Variants in VPS13A observed in about 807,000 individuals in gnomAD.
VPS13A encodes vacuolar protein sorting 13 homolog A, also known as intermembrane lipid transfer protein VPS13A.
Under a neutral mutation model 390.9 loss-of-function variants are expected in VPS13A, and 264 were observed. The ratio of observed to expected loss-of-function variants is 0.68; its 90% CI spans 0.61 to 0.75. The LOEUF (loss-of-function observed/expected upper bound fraction) is 0.75. Among genes scored for constraint, VPS13A ranks in the 30% least tolerant of loss-of-function variants. The probability of loss-of-function intolerance (pLI) is 0.00; values close to 1 mark genes in which losing one functional copy is unlikely to be tolerated. For synonymous variants in VPS13A, 1,231 were observed against 1,227.1 expected, an observed-to-expected ratio of 1.00 and a Z score of -0.07; for missense variants, 3,409 against 3,733.9, an observed-to-expected ratio of 0.91 and a Z score of 2.27.
chr9:77,294,729 G>T (rs560358798), intron 32 of VPS13A, among the ~76,000 whole-genome samples: 159 of 151,990 alleles, frequency 1.0e-3, no homozygotes, highest in African/African-American at 3.6e-3. Context: ...ATTAGAGTTG[G>T]GTTCTTGCTC....
In VPS13A at chr9:77,265,701, G is replaced by A. The variant is rs192624374; in HGVS notation, c.2427+5477G>A. Among the ~76,000 whole-genome samples the A allele has an allele frequency of 9.2e-5, 14 of 152,036 alleles. 1 individual carries two copies. Among genetic ancestry groups the A allele is most frequent in the Admixed American group, 2.0e-4 (3 of 15,258 alleles). ...ATTCTTCTCTTTTCTTTATTAGTCT[G>A]GCTAGCAGTCTATGTATTTTGTTAA... On this transcript the variant is annotated intron_variant, in intron 23 of 71. Coordinates refer to ENST00000360280, the MANE Select transcript of VPS13A (RefSeq NM_033305.3).
chr9:77,301,662 A>G (rs1457543853), intron 33 of VPS13A, among the ~76,000 whole-genome samples: 2 of 152,172 alleles, frequency 1.3e-5, no homozygotes, highest in East Asian at 1.9e-4. Flanking sequence ...TTGAGGTACA[A>G]TGGGAGGCTT....
chr9:77,355,972 CAG>C (rs988412724), intron 54 of VPS13A, among the ~76,000 whole-genome samples: 1 of 152,170 alleles, frequency 6.6e-6, no homozygotes, highest in African/African-American at 2.4e-5. Flanking sequence ...CACTTCAACA[CAG>C]AGTGTATTCT....
chr9:77,316,152 A>T, intron 38 of VPS13A, 22 bp from the exon 39 acceptor site: 1 of 1,405,486 alleles, frequency 7.1e-7, no homozygotes, highest in Non-Finnish European at 9.9e-7. Flanking sequence ...CAAATATTTT[A>T]ATCTATTTTT....
chr9:77,419,942 AC>A lies in VPS13A; in HGVS notation c.*3937del, dbSNP rs1300982037. ...GCTATGCAAATATCAATGACTTTTTACTAAAAACAGTGGATTTCCTCATTTC... is the reference window on the plus strand; with the variant it reads ...GCTATGCAAATATCAATGACTTTTTATAAAAACAGTGGATTTCCTCATTTC... On this transcript the variant is annotated 3_prime_UTR_variant, in exon 72 of 72. Transcript: ENST00000360280. 2.6e-5 allele frequency: 4 copies of A among 152,018 alleles called. No individual in the cohort carries two copies. The highest frequency in any genetic ancestry group is 4.4e-5 in the Non-Finnish European group (3 of 68,030). The allele number at this position is 152,018 out of a possible 1,614,324, so 9.4% of individuals were successfully genotyped here.
chr9:77,367,253 A>G (rs1196180425), intron 61 of VPS13A, among the ~76,000 whole-genome samples: 1 of 152,202 alleles, frequency 6.6e-6, no homozygotes, highest in Non-Finnish European at 1.5e-5. Flanking sequence ...AATGAATGCG[A>G]TAATAGGGGA....
intron 67 of VPS13A, among the ~76,000 whole-genome samples, chr9:77,373,880 T>C (rs771811119): frequency 3.3e-4 from 50 of 152,294 alleles, no homozygotes; most frequent in Admixed American, 6.5e-4. Context: ...AAAAACTCAT[T>C]TTGATATTTT....
intron 19 of VPS13A, among the ~76,000 whole-genome samples, chr9:77,245,110 G>GT (rs1824731983): frequency 6.6e-6 from 1 of 152,146 alleles, no homozygotes; most frequent in Non-Finnish European, 1.5e-5. Flanking sequence ...GGATTTTGTT[G>GT]TAAGTGCAAT....
chr9:77,383,085 G>A, intron 68 of VPS13A: 1 of 937,410 alleles, frequency 1.1e-6, no homozygotes. Flanking sequence ...TTCCTTTATG[G>A]CTTTAATATT....
chr9:77,412,059 C>G (rs1299015607), intron 71 of VPS13A, among the ~76,000 whole-genome samples: 1 of 152,154 alleles, frequency 6.6e-6, no homozygotes, highest in Non-Finnish European at 1.5e-5. Context: ...AGTTGAGTCT[C>G]TGAAGAGACC....
At chr9:77,267,423 C>G (rs1306077771) in intron 23 of VPS13A, among the ~76,000 whole-genome samples, 4 of 152,198 alleles carry the variant, frequency 2.6e-5, no homozygotes, top group Non-Finnish European at 5.9e-5. Flanking sequence ...AGTCAGACCC[C>G]TTTGCTGCAG....
At chr9:77,415,528 A>G (rs1835136693) in intron 71 of VPS13A, among the ~76,000 whole-genome samples, 1 of 152,198 alleles carries the variant, frequency 6.6e-6, no homozygotes, top group Non-Finnish European at 1.5e-5. Context: ...AATAGAAAAT[A>G]TATTGTGAGA....
At chr9:77,283,795 T>C in intron 31 of VPS13A, 145 bp downstream of exon 31, 1 of 633,508 alleles carries the variant, frequency 1.6e-6, no homozygotes, top group Admixed American at 2.9e-5. Context: ...CATAATTGGG[T>C]TCTTAGCTCT....
intron 52 of VPS13A, among the ~76,000 whole-genome samples, chr9:77,350,259 A>G (rs1224063113): frequency 1.3e-5 from 2 of 152,210 alleles, no homozygotes; most frequent in African/African-American, 2.4e-5. Flanking sequence ...ACAGATTAAT[A>G]TAAAATGGTT....
chr9:77,396,066 T>C (rs1338357423), intron 68 of VPS13A, among the ~76,000 whole-genome samples: 1 of 151,838 alleles, frequency 6.6e-6, no homozygotes, highest in Non-Finnish European at 1.5e-5. Flanking sequence ...TGAACTTTAG[T>C]GAGACTTTTG....
intron 70 of VPS13A, among the ~76,000 whole-genome samples, chr9:77,406,942 C>G (rs1279023679): frequency 6.6e-6 from 1 of 152,096 alleles, no homozygotes; most frequent in African/African-American, 2.4e-5. Context: ...AGTCCCACTC[C>G]CCACTACCAA....
chr9:77,263,920 G>C (rs905584506), intron 23 of VPS13A, among the ~76,000 whole-genome samples: 1 of 152,144 alleles, frequency 6.6e-6, no homozygotes, highest in Non-Finnish European at 1.5e-5. Flanking sequence ...ATTAATTTTT[G>C]CATAAGGTCT....
At chr9:77,207,682 A>G (rs1825760730) in intron 5 of VPS13A, among the ~76,000 whole-genome samples, 1 of 152,000 alleles carries the variant, frequency 6.6e-6, no homozygotes, top group Admixed American at 6.6e-5. Context: ...TAGGGTGGGA[A>G]AGGGATGTTG....
At position 77,317,658 on chromosome 9, in the gene VPS13A, C is replaced by G; in HGVS notation, c.4916C>G (p.Pro1639Arg). 6.2e-7 allele frequency: 1 copy of G among 1,601,428 alleles called. No individual in the cohort carries two copies. The highest frequency in any genetic ancestry group is 8.5e-7 in the Non-Finnish European group (1 of 1,173,396). The change falls in exon 40 of 72, where the codon CCA (proline) becomes CGA (arginine). Residue 1639 changes from proline to arginine, a missense_variant. This residue lies in a region of VPS13A where 2,717 missense variants were observed against 2,917.4 expected (regional missense o/e 0.93). Transcript: ENST00000360280. ...CAAACTACTCAGAAAGGTACAGATC[C>G]ACAAGTGATCGATATGTCAGTAAAA... is the stretch of plus-strand genomic sequence containing the variant. ...FYQTTQKGTD[P>R]QVIDMSVKSL...
Sources: gnomAD v4.1 joint callset for allele counts (sites outside exome capture counted in the v4.1 genomes callset) on GRCh38, gnomAD v4.1.1 for gene constraint, gnomAD v4.1.1 regional missense constraint, MANE v1.5 for transcripts, NCBI Gene and HGNC (gene_info 2026-07-23, HGNC 2026-07-21) for gene names.